GPR176: variants seen among roughly 807,000 people sequenced by gnomAD.
GPR176 encodes the protein G protein-coupled receptor 176.
In GPR176, 26 loss-of-function variants were observed where a neutral mutation model predicts 35.4. The ratio of observed to expected loss-of-function variants is 0.74; its 90% CI spans 0.54 to 1.02. The LOEUF is 1.02. GPR176 is among the 50% of genes least tolerant of loss of function. The pLI is 0.00. For missense variants in GPR176, 597 were observed against 665.3 expected, an observed-to-expected ratio of 0.90 and a Z score of 1.13; for synonymous variants, 278 against 271.3, an observed-to-expected ratio of 1.02 and a Z score of -0.24.
chr15:39,842,460 T>C lies in GPR176; in HGVS notation c.173-35202A>G, dbSNP rs187941891. Among the ~76,000 whole-genome samples the C allele has an allele frequency of 2.6e-5, 4 of 152,186 alleles. No homozygotes were observed. In the East Asian group the frequency reaches 7.7e-4, roughly 29 times the overall value. On this transcript the variant is annotated intron_variant, in intron 1 of 2. Transcript: ENST00000561100. ...ACTGGGATTATAATTCCACATGAGA[T>C]TTGGGTGGGGACACAGAGCCAAAAC...
At chr15:39,868,184 C>T (rs2031905554) in intron 1 of GPR176, among the ~76,000 whole-genome samples, 1 of 152,164 alleles carries the variant, frequency 6.6e-6, no homozygotes, top group Non-Finnish European at 1.5e-5. Flanking sequence ...AGGAAGCTAG[C>T]AGCAGAACAA....
intron 1 of GPR176, among the ~76,000 whole-genome samples, chr15:39,906,137 T>C (rs1418339439): frequency 1.3e-5 from 2 of 152,254 alleles, no homozygotes; most frequent in Non-Finnish European, 2.9e-5. Flanking sequence ...ATTAAACTGA[T>C]ACACATTCTA....
intron 1 of GPR176, among the ~76,000 whole-genome samples, chr15:39,916,333 T>G (rs1409066898): frequency 2.0e-5 from 3 of 152,184 alleles, no homozygotes; most frequent in Non-Finnish European, 4.4e-5. Context: ...CCTAAAGATA[T>G]GCCAAGATGT....
chr15:39,871,907 G>T (rs765131611), intron 1 of GPR176, among the ~76,000 whole-genome samples: 1 of 152,172 alleles, frequency 6.6e-6, no homozygotes, highest in Non-Finnish European at 1.5e-5. Context: ...CCTACTGAGT[G>T]ACCTAAAAGC....
At chr15:39,867,271 C>A (rs1400777187) in intron 1 of GPR176, among the ~76,000 whole-genome samples, 3 of 152,146 alleles carry the variant, frequency 2.0e-5, no homozygotes, top group African/African-American at 7.2e-5. Flanking sequence ...GACTCTACCA[C>A]CATGATGCTG....
chr15:39,842,948 TGGGTTTC>T (rs2030130098), intron 1 of GPR176, among the ~76,000 whole-genome samples: 2 of 151,894 alleles, frequency 1.3e-5, no homozygotes, highest in Non-Finnish European at 2.9e-5. Context: ...CATCACCCTG[TGGGTTTC>T]ATCCCCAGCT....
chr15:39,837,381 T>C (rs1901468480), intron 1 of GPR176, among the ~76,000 whole-genome samples: 1 of 152,176 alleles, frequency 6.6e-6, no homozygotes, highest in Admixed American at 6.5e-5. Flanking sequence ...AGTGTGCCAT[T>C]TACTCCAACT....
At chr15:39,879,294 T>C (rs1003213359) in intron 1 of GPR176, among the ~76,000 whole-genome samples, 2 of 152,168 alleles carry the variant, frequency 1.3e-5, no homozygotes, top group Non-Finnish European at 2.9e-5. Context: ...AATGAGGGTG[T>C]TGCTGCTTGG....
intron 1 of GPR176, among the ~76,000 whole-genome samples, chr15:39,911,747 G>T (rs972287149): frequency 1.6e-4 from 24 of 152,118 alleles, no homozygotes; most frequent in African/African-American, 5.8e-4. Context: ...GTATGTTAAG[G>T]GAGGTTTTAT....
chr15:39,876,011 T>A (rs2032231278), intron 1 of GPR176, among the ~76,000 whole-genome samples: 1 of 150,980 alleles, frequency 6.6e-6, no homozygotes, highest in Admixed American at 6.6e-5. Context: ...TTAACCTGGG[T>A]GTGGTGGTAC....
chr15:39,872,767 G>A (rs2032093118), intron 1 of GPR176, among the ~76,000 whole-genome samples: 1 of 152,076 alleles, frequency 6.6e-6, no homozygotes, highest in Non-Finnish European at 1.5e-5. Context: ...TATCTCACAA[G>A]AACTCACTCA....
chr15:39,853,108 T>C (rs538942151), intron 1 of GPR176, among the ~76,000 whole-genome samples: 1 of 152,260 alleles, frequency 6.6e-6, no homozygotes, highest in African/African-American at 2.4e-5. Context: ...GAAGAGATAT[T>C]TGCACACTCA....
intron 1 of GPR176, among the ~76,000 whole-genome samples, chr15:39,871,471 T>C (rs1044645345): frequency 6.6e-6 from 1 of 152,196 alleles, no homozygotes; most frequent in Admixed American, 6.5e-5. Context: ...TAGGAGTATG[T>C]TTCATTGCAA....
chr15:39,804,904 G>A (rs1305064126), intron 2 of GPR176, among the ~76,000 whole-genome samples: 1 of 152,174 alleles, frequency 6.6e-6, no homozygotes, highest in East Asian at 1.9e-4. Context: ...TAGAAAAAGA[G>A]AGTAGATTCA....
chr15:39,860,354 C>T (rs1000519795), intron 1 of GPR176, among the ~76,000 whole-genome samples: 4 of 152,210 alleles, frequency 2.6e-5, no homozygotes, highest in African/African-American at 9.6e-5. Flanking sequence ...CCTCCCCTGC[C>T]CAGGGCACTG....
Position 39,802,186 on chromosome 15 carries a change from T to A in GPR176, c.494A>T (p.Tyr165Phe), listed in dbSNP as rs544265017. Residue 165 changes from tyrosine to phenylalanine, a missense_variant, in exon 3 of 3, where the codon TAC becomes TTC. Physicochemically the swap from Tyr to Phe is conservative, Grantham distance 22. This residue lies in a region of GPR176 where 220 missense variants were observed against 297.6 expected (regional missense o/e 0.74). Transcript: ENST00000561100. ...GGCCACCACTGCATGGGCCCAGATG[T>A]ACATCACCAGTTCACGGGACTTGGC... ...SDAKSRELVM[Y>F]IWAHAVVASV... The A allele has an allele frequency of 6.2e-7, 1 of 1,614,058 alleles. No individual in the cohort carries two copies. The highest frequency in any genetic ancestry group is 1.1e-5 in the South Asian group (1 of 91,072).
intron 1 of GPR176, among the ~76,000 whole-genome samples, chr15:39,905,049 A>C (rs1484561523): frequency 6.6e-6 from 1 of 152,192 alleles, no homozygotes; most frequent in Non-Finnish European, 1.5e-5. Context: ...ACCCCAGCCC[A>C]GCTGCAATCT....
chr15:39,913,415 C>T (rs1051401280), intron 1 of GPR176, among the ~76,000 whole-genome samples: 1 of 151,936 alleles, frequency 6.6e-6, no homozygotes, highest in Non-Finnish European at 1.5e-5. Context: ...CATGGTGGCA[C>T]ACACTTGTAG....
In GPR176 at chr15:39,817,068, C is replaced by CAAAA. The variant is rs58812005; in HGVS notation, c.173-9814_173-9811dup. On this transcript the variant is annotated intron_variant, in intron 1 of 2. Transcript: ENST00000561100. ...TTGGTAACAGAGCAGGATTCTGTCTCAAAAAAAAAAAAAAAGCTTTGAAAA... is the reference window on the plus strand; with the variant it reads ...TTGGTAACAGAGCAGGATTCTGTCTCAAAAAAAAAAAAAAAAAAAGCTTTGAAAA... Among the ~76,000 whole-genome samples, 205 of 77,302 alleles carry CAAAA rather than the reference C, an allele frequency of 2.7e-3. 5 individuals are homozygous for CAAAA. The highest frequency in any genetic ancestry group is 0.011 in the African/African-American group (195 of 17,242). 50.7% of individuals were successfully genotyped at this position (77,302 alleles called of 152,430 possible).
Sources: allele counts gnomAD v4.1 joint callset (sites outside exome capture counted in the v4.1 genomes callset), GRCh38; gene constraint gnomAD v4.1.1; regional missense constraint gnomAD v4.1.1; transcripts MANE v1.5; gene names NCBI Gene and HGNC (gene_info 2026-07-23, HGNC 2026-07-21).